Variants in PNP observed in about 807,000 individuals in gnomAD.
The protein encoded by PNP is HEL-S-156an.
In PNP, 18 loss-of-function variants were observed where a neutral mutation model predicts 26.8. That is an observed-to-expected ratio of 0.67 (90% CI 0.46 to 1.00). The LOEUF (loss-of-function observed/expected upper bound fraction) is 1.00, where lower values mean the gene tolerates loss of function less well. Ranked by LOEUF, PNP falls within the 50% of genes least tolerant of loss-of-function variation. The pLI, the probability that PNP is intolerant of heterozygous loss-of-function variation, is 0.00. For missense variants in PNP, 320 were observed against 362.9 expected (o/e 0.88, Z 0.96); for synonymous variants, 116 against 124.8 (o/e 0.93, Z 0.47).
intron 3 of PNP, 97 bp from the exon 4 acceptor site, chr14:20,474,676 C>T: frequency 6.5e-7 from 1 of 1,548,344 alleles, no homozygotes; most frequent in South Asian, 1.1e-5. Flanking sequence ...GATTTTTGGT[C>T]CTCTCCTTCC....
chr14:20,474,787 G>C lies in PNP; in HGVS notation c.300G>C (p.Val100=), dbSNP rs747456588. The C allele has an allele frequency of 6.2e-7, 1 of 1,614,106 alleles. No homozygotes were observed. The highest frequency in any genetic ancestry group is 8.5e-7 in the Non-Finnish European group (1 of 1,179,992). The change falls in exon 4 of 6, where the codon GTG becomes GTC. Residue 100 remains valine (V), a synonymous_variant. Transcript: ENST00000361505. ...GYPLWKVTFP[V]RVFHLLGVDT... Reference sequence around the variant, plus strand: ...TTGCTTCGAAGGTGACATTCCCAGTGAGGGTTTTCCACCTTCTGGGTGTGG... The same window carrying C: ...TTGCTTCGAAGGTGACATTCCCAGTCAGGGTTTTCCACCTTCTGGGTGTGG...
chr14:20,476,907 G>A lies in PNP; in HGVS notation c.*306G>A. On this transcript the variant is annotated 3_prime_UTR_variant, in exon 6 of 6. Transcript: ENST00000361505. Reference sequence around the variant, plus strand: ...TACCACACATCTGTGGAGATGCCCAGGATTTGACTCGGGCCTTAGAACTTT... The same window carrying A: ...TACCACACATCTGTGGAGATGCCCAAGATTTGACTCGGGCCTTAGAACTTT... 2 of 421,218 alleles carry A rather than the reference G, an allele frequency of 4.7e-6. No individual in the cohort carries two copies. The highest frequency in any genetic ancestry group is 4.2e-5 in the South Asian group (2 of 47,072). 26.1% of individuals were successfully genotyped at this position (421,218 alleles called of 1,614,324 possible).
chr14:20,476,062 T>C (rs1222168919), intron 5 of PNP, among the ~76,000 whole-genome samples: 1 of 152,244 alleles, frequency 6.6e-6, no homozygotes, highest in African/African-American at 2.4e-5. Flanking sequence ...CAGTTCTGAC[T>C]GCCTGGGCTC....
intron 1 of PNP, among the ~76,000 whole-genome samples, chr14:20,471,633 G>T (rs1337297994): frequency 2.0e-5 from 3 of 152,136 alleles, no homozygotes; most frequent in Non-Finnish European, 4.4e-5. Context: ...GCTAAGAATG[G>T]CACGTAGACC....
intron 1 of PNP, among the ~76,000 whole-genome samples, chr14:20,471,713 G>A (rs1881991794): frequency 6.6e-6 from 1 of 152,136 alleles, no homozygotes; most frequent in South Asian, 2.1e-4. Flanking sequence ...TAAGTCTTTG[G>A]CTGAGGAAGG....
At chr14:20,473,611 G>T (rs910832306) in intron 2 of PNP, 1 of 152,166 alleles carries the variant, frequency 6.6e-6, no homozygotes, top group Non-Finnish European at 1.5e-5. Context: ...TGTCACCCAG[G>T]CTCGAGTGTA....
intron 5 of PNP, 151 bp downstream of exon 5, chr14:20,475,403 G>T: frequency 1.4e-6 from 1 of 705,614 alleles, no homozygotes; most frequent in South Asian, 1.9e-5. Flanking sequence ...ATACAAACTG[G>T]TGAGATTTGG....
At chr14:20,474,732 A>C (rs1346209222) in intron 3 of PNP, 41 bp from the exon 4 acceptor site, 5 of 1,606,702 alleles carry the variant, frequency 3.1e-6, no homozygotes, top group Non-Finnish European at 3.4e-6. Flanking sequence ...AGCTGAATTA[A>C]TGAAATTTTG....
At chr14:20,475,553 C>T (rs1168177162) in intron 5 of PNP, among the ~76,000 whole-genome samples, 1 of 152,008 alleles carries the variant, frequency 6.6e-6, no homozygotes, top group African/African-American at 2.4e-5. Flanking sequence ...GGCATGATCT[C>T]GGCTCACTGC....
chr14:20,473,993 G>C (rs1229944888), intron 2 of PNP: 1 of 205,542 alleles, frequency 4.9e-6, no homozygotes, highest in African/African-American at 2.4e-5. Flanking sequence ...GTACTTATTA[G>C]GTAATTTCTC....
At position 20,476,969 on chromosome 14, in the gene PNP, T is replaced by G; in HGVS notation, c.*368T>G. On this transcript the variant is annotated 3_prime_UTR_variant, in exon 6 of 6. Coordinates refer to ENST00000361505, the MANE Select transcript of PNP (RefSeq NM_000270.4). ...GCTACTAGCTCTTTGAGATAATACA[T>G]TCCGAGGGGCTCAGTTCTGCCTTAT... 1 of 346,524 alleles carries G rather than the reference T, an allele frequency of 2.9e-6. No individual in the cohort carries two copies. Among genetic ancestry groups the G allele is most frequent in the East Asian group, 7.1e-5 (1 of 14,046 alleles). 21.5% of individuals were successfully genotyped at this position (346,524 alleles called of 1,614,324 possible). A position where few individuals can be genotyped will look rare whatever the true frequency, so the allele number is the denominator to read the frequency against.
At chr14:20,470,115 A>T (rs1368488419) in intron 1 of PNP, among the ~76,000 whole-genome samples, 1 of 152,198 alleles carries the variant, frequency 6.6e-6, no homozygotes, top group Non-Finnish European at 1.5e-5. Flanking sequence ...ACTGAGCAAC[A>T]GTCCTGTGCT....
intron 2 of PNP, chr14:20,473,425 C>T (rs1275979170): frequency 6.6e-6 from 1 of 152,210 alleles, no homozygotes; most frequent in Non-Finnish European, 1.5e-5. Flanking sequence ...TCAGTAGCCT[C>T]TTCTTTAAGA....
At position 20,476,634 on chromosome 14, in the gene PNP, A is replaced by G. The variant is rs1882121209; in HGVS notation, c.*33A>G. On this transcript the variant is annotated 3_prime_UTR_variant, in exon 6 of 6. Transcript: ENST00000361505. Reference sequence around the variant, plus strand: ...TGGAGTCGTCTGGCATCTCCCACACAAGACCCAAGTAGCTGCTACCTTCTT... The same window carrying G: ...TGGAGTCGTCTGGCATCTCCCACACGAGACCCAAGTAGCTGCTACCTTCTT... 1 of 1,559,768 alleles carries G rather than the reference A, an allele frequency of 6.4e-7. No homozygotes were observed. Among genetic ancestry groups the G allele is most frequent in the Non-Finnish European group, 8.8e-7 (1 of 1,130,598 alleles).
At position 20,476,395 on chromosome 14, in the gene PNP, G is replaced by A. The variant is rs1408187980; in HGVS notation, c.664G>A (p.Val222Ile). The change falls in exon 6 of 6, where the codon GTA becomes ATA. Residue 222 changes from valine to isoleucine, a missense_variant. By Grantham distance (29) the Val-to-Ile change is conservative. Coordinates refer to ENST00000361505, the MANE Select transcript of PNP (RefSeq NM_000270.4). ...LGADAVGMST[V>I]PEVIVARHCG... ...TTTCTCACTATCAGGCATGAGTACA[G>A]TACCAGAAGTTATCGTTGCACGGCA... The A allele has an allele frequency of 1.9e-6, 3 of 1,613,502 alleles. No individual in the cohort carries two copies. Among genetic ancestry groups the A allele is most frequent in the Admixed American group, 1.7e-5 (1 of 60,026 alleles).
chr14:20,469,461 CGATCG>C lies in PNP; in HGVS notation c.-56_-52del. On this transcript the variant is annotated 5_prime_UTR_variant, in exon 1 of 6. Coordinates refer to ENST00000361505, the MANE Select transcript of PNP (RefSeq NM_000270.4). ...TCAGTTCAGCATAGCGGAGCGGATC[CGATCG>C]GATCGGAGCGGATCGGAGCACACCG... 6.5e-7 allele frequency: 1 copy of C among 1,547,802 alleles called. No individual in the cohort carries two copies. Among genetic ancestry groups the C allele is most frequent in the Non-Finnish European group, 8.7e-7 (1 of 1,145,098 alleles).
At chr14:20,474,422 G>A (rs1882051791) in intron 2 of PNP, 50 bp from the exon 3 acceptor site, 2 of 1,480,518 alleles carry the variant, frequency 1.4e-6, no homozygotes, top group Admixed American at 3.4e-5. Context: ...ATGGATATGT[G>A]TTGCATGAAA....
In PNP at chr14:20,476,878, G is replaced by A; in HGVS notation, c.*277G>A. ...TTCTTACACAAGAGCTGGAGCCCGTGCCCTACCACACATCTGTGGAGATGC... is the reference window on the plus strand; with the variant it reads ...TTCTTACACAAGAGCTGGAGCCCGTACCCTACCACACATCTGTGGAGATGC... On this transcript the variant is annotated 3_prime_UTR_variant, in exon 6 of 6. Transcript: ENST00000361505. The A allele has an allele frequency of 2.2e-6, 1 of 453,000 alleles. No homozygotes were observed. The highest frequency in any genetic ancestry group is 4.1e-6 in the Non-Finnish European group (1 of 244,482). The allele number at this position is 453,000 out of a possible 1,614,324, so 28.1% of individuals were successfully genotyped here.
In PNP at chr14:20,475,176, T is replaced by C. The variant is rs1461298271; in HGVS notation, c.576T>C (p.Tyr192=). The C allele has an allele frequency of 8.1e-6, 13 of 1,614,166 alleles. No individual in the cohort carries two copies. The highest frequency in any genetic ancestry group is 1.1e-5 in the Non-Finnish European group (13 of 1,180,026). Residue 192 remains tyrosine, a synonymous_variant, in exon 5 of 6, where the codon TAT becomes TAC. Coordinates refer to ENST00000361505, the MANE Select transcript of PNP (RefSeq NM_000270.4). ...GEQRELQEGT[Y]VMVAGPSFET... ...AACGTGAGCTACAGGAAGGCACCTA[T>C]GTGATGGTGGCAGGCCCCAGCTTTG... is the stretch of plus-strand genomic sequence containing the variant.
Sources: gnomAD v4.1 joint callset for allele counts (sites outside exome capture counted in the v4.1 genomes callset) on GRCh38, gnomAD v4.1.1 for gene constraint, MANE v1.5 for transcripts, NCBI Gene and HGNC (gene_info 2026-07-23, HGNC 2026-07-21) for gene names.